SHISA9: variants seen among roughly 807,000 people sequenced by gnomAD.
SHISA9 encodes the protein shisa family member 9.
Under a neutral mutation model 38.0 loss-of-function variants are expected in SHISA9, and 13 were observed. The observed-to-expected ratio is 0.34, with a 90% CI of 0.22 to 0.54. SHISA9 has a LOEUF of 0.54. SHISA9 is among the 20% of genes least tolerant of loss of function. SHISA9 has a pLI of 0.91. For synonymous variants in SHISA9, 275 were observed against 242.0 expected (o/e 1.14, Z -1.27); for missense variants, 538 against 575.8 (o/e 0.93, Z 0.67).
Position 12,989,982 on chromosome 16 carries a change from C to G in SHISA9, c.691+73167C>G, listed in dbSNP as rs575425176. On this transcript the variant is annotated intron_variant, in intron 2 of 4. Coordinates refer to ENST00000558583, the MANE Select transcript of SHISA9 (RefSeq NM_001145204.3). ...TGTGTGTTGTTCCCCTCGCTGTGTTCATGTGTCCTCATCATTCAGCTCCCA... is the reference window on the plus strand; with the variant it reads ...TGTGTGTTGTTCCCCTCGCTGTGTTGATGTGTCCTCATCATTCAGCTCCCA... Among the ~76,000 whole-genome samples, 137 of 152,110 alleles carry G rather than the reference C, an allele frequency of 9.0e-4. 2 individuals are homozygous for G. Among genetic ancestry groups the G allele is most frequent in the Non-Finnish European group, 9.1e-4 (62 of 68,016 alleles).
At position 13,110,483 on chromosome 16, in the gene SHISA9, G is replaced by C. The variant is rs574682624; in HGVS notation, c.692-92911G>C. 3.3e-5 allele frequency among the ~76,000 whole-genome samples: 5 copies of C among 152,316 alleles called. No homozygotes were observed. The South Asian group carries it at 1.0e-3, about 32-fold the overall frequency. On this transcript the variant is annotated intron_variant, in intron 2 of 4. Coordinates refer to ENST00000558583, the MANE Select transcript of SHISA9 (RefSeq NM_001145204.3). ...AGCTGGTATGAAAAGAATGTGATGT[G>C]TGCTCCCTGTTTCTCTGGGACAAAT...
chr16:13,218,855 G>T (rs944060794), intron 4 of SHISA9, among the ~76,000 whole-genome samples: 1 of 152,158 alleles, frequency 6.6e-6, no homozygotes, highest in Non-Finnish European at 1.5e-5. Context: ...TGGAGTGCAT[G>T]CATCCTATAG....
chr16:13,064,728 A>G (rs146559722), intron 2 of SHISA9, among the ~76,000 whole-genome samples: 42 of 151,788 alleles, frequency 2.8e-4, no homozygotes, highest in African/African-American at 8.9e-4. Context: ...ATTTTTTTCT[A>G]CAATGAACAT....
intron 2 of SHISA9, among the ~76,000 whole-genome samples, chr16:12,939,148 A>G (rs557694841): frequency 2.6e-5 from 4 of 152,022 alleles, no homozygotes; most frequent in South Asian, 4.2e-4. Context: ...CAGTGGCACA[A>G]TCTTGGCTCA....
At chr16:13,268,752 T>G in the SHISA9 span, among the ~76,000 whole-genome samples, 1 of 152,190 alleles carries the variant, frequency 6.6e-6, no homozygotes, top group African/African-American at 2.4e-5. Context: ...GGAGATCCTT[T>G]CATTTTAAAA....
At chr16:13,458,516 C>A in the SHISA9 span, 14 of 417,720 alleles carry the variant, frequency 3.4e-5, no homozygotes, top group South Asian at 2.2e-4. Flanking sequence ...ACTCGATCAA[C>A]AATGGCTGAA....
chr16:13,317,732 A>G, the SHISA9 span, among the ~76,000 whole-genome samples: 1 of 152,226 alleles, frequency 6.6e-6, no homozygotes, highest in African/African-American at 2.4e-5. Context: ...CAAGTGCTTA[A>G]TAAATGTTGG....
the SHISA9 span, among the ~76,000 whole-genome samples, chr16:13,345,074 C>G: frequency 1.3e-5 from 2 of 152,082 alleles, no homozygotes; most frequent in East Asian, 3.9e-4. Context: ...AGTGGGTCAC[C>G]CAAGCTGCTT....
intron 2 of SHISA9, among the ~76,000 whole-genome samples, chr16:13,120,003 C>T (rs1366951612): frequency 1.3e-5 from 2 of 151,694 alleles, no homozygotes; most frequent in Non-Finnish European, 2.9e-5. Flanking sequence ...GACAGGGAGA[C>T]ATAAAGGGAG....
chr16:12,984,976 C>T (rs2072287975), intron 2 of SHISA9, among the ~76,000 whole-genome samples: 1 of 152,160 alleles, frequency 6.6e-6, no homozygotes, highest in South Asian at 2.1e-4. Context: ...CCGAGACTTG[C>T]CCTGAAATTG....
intron 2 of SHISA9, among the ~76,000 whole-genome samples, chr16:13,114,863 T>C (rs1162908399): frequency 6.6e-6 from 1 of 152,170 alleles, no homozygotes; most frequent in Non-Finnish European, 1.5e-5. Context: ...CTTTGGGGCT[T>C]TATATATGTT....
the SHISA9 span, among the ~76,000 whole-genome samples, chr16:13,554,894 A>G: frequency 6.6e-6 from 1 of 152,224 alleles, no homozygotes; most frequent in Non-Finnish European, 1.5e-5. Context: ...GGTGAGGAAG[A>G]AAAGAAGAAG....
At chr16:13,342,995 T>C in the SHISA9 span, among the ~76,000 whole-genome samples, 1 of 152,222 alleles carries the variant, frequency 6.6e-6, no homozygotes, top group East Asian at 1.9e-4. Flanking sequence ...AACTAATGAG[T>C]CTGTTGTAAA....
Position 13,212,955 on chromosome 16 carries a change from A to G in SHISA9, c.848-298A>G, listed in dbSNP as rs183500200. On this transcript the variant is annotated intron_variant, in intron 3 of 4. Transcript: ENST00000558583. Reference sequence around the variant, plus strand: ...GTTGAAATTTACAGCCAGATTTTCTACCTAAGAATTATCTTTCTGCCTTAC... The same window carrying G: ...GTTGAAATTTACAGCCAGATTTTCTGCCTAAGAATTATCTTTCTGCCTTAC... Among the ~76,000 whole-genome samples the G allele has an allele frequency of 2.5e-3, 378 of 152,290 alleles. 6 individuals carry two copies. Among genetic ancestry groups the G allele is most frequent in the Non-Finnish European group, 3.0e-3 (201 of 68,020 alleles).
the SHISA9 span, among the ~76,000 whole-genome samples, chr16:13,285,981 G>C: frequency 6.6e-6 from 1 of 152,072 alleles, no homozygotes; most frequent in African/African-American, 2.4e-5. Context: ...CTAAGCTAAA[G>C]GGAAAAGTCA....
At chr16:13,313,543 G>A in the SHISA9 span, among the ~76,000 whole-genome samples, 1 of 152,154 alleles carries the variant, frequency 6.6e-6, no homozygotes, top group Non-Finnish European at 1.5e-5. Flanking sequence ...CTTAAAAAGT[G>A]GTTCCCAAGG....
chr16:13,207,195 C>T (rs1394074167), intron 3 of SHISA9, among the ~76,000 whole-genome samples: 5 of 152,032 alleles, frequency 3.3e-5, no homozygotes, highest in African/African-American at 9.7e-5. Flanking sequence ...ACCTGGGACG[C>T]GGAGGTTGCA....
chr16:13,081,998 A>G (rs183035566), intron 2 of SHISA9, among the ~76,000 whole-genome samples: 35 of 152,240 alleles, frequency 2.3e-4, no homozygotes, highest in Admixed American at 3.9e-4. Context: ...CATGAGCTGC[A>G]CTAATTATCT....
At chr16:12,937,329 T>C (rs1303390945) in intron 2 of SHISA9, among the ~76,000 whole-genome samples, 1 of 152,192 alleles carries the variant, frequency 6.6e-6, no homozygotes, top group Non-Finnish European at 1.5e-5. Context: ...CTAAGTGCCC[T>C]CTCTCCTCAA....
Sources: gnomAD v4.1 joint callset for allele counts (sites outside exome capture counted in the v4.1 genomes callset) on GRCh38, gnomAD v4.1.1 for gene constraint, MANE v1.5 for transcripts, NCBI Gene and HGNC (gene_info 2026-07-23, HGNC 2026-07-21) for gene names.